DNAH7: variants seen among roughly 807,000 people sequenced by gnomAD.
The protein encoded by DNAH7 is dynein axonemal heavy chain 7.
DNAH7 carries 397 observed loss-of-function variants against 444.6 expected under a neutral mutation model. That is an observed-to-expected ratio of 0.89 (90% CI 0.82 to 0.97). DNAH7 has a LOEUF of 0.97. Among genes scored for constraint, DNAH7 ranks in the 50% least tolerant of loss-of-function variants. DNAH7 has a pLI of 0.00. For missense variants in DNAH7, 4,902 were observed against 4,800.8 expected, an observed-to-expected ratio of 1.02 and a Z score of -0.62; for synonymous variants, 1,636 against 1,624.4, an observed-to-expected ratio of 1.01 and a Z score of -0.17.
chr2:195,889,313 TTTTC>T (rs1453078601), intron 31 of DNAH7, among the ~76,000 whole-genome samples: 3 of 151,514 alleles, frequency 2.0e-5, no homozygotes, highest in Admixed American at 1.3e-4. Flanking sequence ...CTTTCTTTCT[TTTTC>T]TTTCTTTTCT....
At chr2:195,941,248 A>G (rs1000348426) in intron 19 of DNAH7, among the ~76,000 whole-genome samples, 11 of 152,298 alleles carry the variant, frequency 7.2e-5, no homozygotes, top group African/African-American at 2.6e-4. Context: ...GGAAGCCATC[A>G]TTCTCAGCAA....
intron 8 of DNAH7, among the ~76,000 whole-genome samples, chr2:196,023,914 G>C (rs1290055707): frequency 1.3e-5 from 2 of 152,166 alleles, no homozygotes; most frequent in African/African-American, 4.8e-5. Context: ...GAGGCCTTAG[G>C]AAAGGAGGAG....
chr2:195,972,216 GAAAAT>G (rs1432521854), intron 16 of DNAH7, 21 bp downstream of exon 16: 3 of 1,565,392 alleles, frequency 1.9e-6, no homozygotes, highest in Middle Eastern at 1.8e-4. Flanking sequence ...TCCAGAAAAT[GAAAAT>G]AAAATATCTA....
intron 48 of DNAH7, among the ~76,000 whole-genome samples, chr2:195,826,154 A>C (rs1429202993): frequency 6.6e-6 from 1 of 152,246 alleles, no homozygotes; most frequent in African/African-American, 2.4e-5. Flanking sequence ...TTACTTAATC[A>C]GGCTGGAGCC....
intron 11 of DNAH7, 40 bp from the exon 12 acceptor site, chr2:196,000,923 G>GT: frequency 6.7e-7 from 1 of 1,486,126 alleles, no homozygotes. Context: ...AAATATGTAT[G>GT]AATTGTGACA....
chr2:195,950,871 A>AAAAAAAAAACAAC (rs1690198941), intron 19 of DNAH7, among the ~76,000 whole-genome samples: 1 of 147,306 alleles, frequency 6.8e-6, no homozygotes, highest in African/African-American at 2.6e-5. Flanking sequence ...AAAAAAAAAA[A>AAAAAAAAAACAAC]AAAAAAAACC....
intron 12 of DNAH7, among the ~76,000 whole-genome samples, chr2:195,989,190 T>C (rs556536012): frequency 9.2e-5 from 14 of 152,324 alleles, no homozygotes; most frequent in African/African-American, 3.4e-4. Flanking sequence ...TCCTTTCCTT[T>C]AGCATATATA....
chr2:195,793,617 A>G (rs1392997465), intron 57 of DNAH7, among the ~76,000 whole-genome samples: 3 of 152,074 alleles, frequency 2.0e-5, no homozygotes, highest in African/African-American at 7.2e-5. Context: ...GCCCCCTTTT[A>G]TTTTTTAGTA....
chr2:195,806,707 A>G, intron 54 of DNAH7, 33 bp downstream of exon 54: 1 of 1,584,568 alleles, frequency 6.3e-7, no homozygotes, highest in Non-Finnish European at 8.7e-7. Context: ...AAGGCTTTGG[A>G]ATCATTGAGC....
chr2:195,844,795 T>A (rs1021846612), intron 47 of DNAH7, among the ~76,000 whole-genome samples: 4 of 152,194 alleles, frequency 2.6e-5, no homozygotes, highest in Admixed American at 6.5e-5. Context: ...GTACAAGTCA[T>A]CTGGTTCATT....
At chr2:195,951,825 C>G (rs761473820) in intron 19 of DNAH7, among the ~76,000 whole-genome samples, 1 of 151,768 alleles carries the variant, frequency 6.6e-6, no homozygotes, top group Non-Finnish European at 1.5e-5. Flanking sequence ...TATGTGTGTG[C>G]CTGCACATGA....
chr2:195,740,605 G>GTATATATA (rs1692947621), intron 64 of DNAH7, among the ~76,000 whole-genome samples, 161 bp downstream of exon 64: 1 of 54,850 alleles, frequency 1.8e-5, no homozygotes, highest in African/African-American at 9.8e-5. Context: ...GTGTGTGTGT[G>GTATATATA]TGTGTGTGTG....
In DNAH7 at chr2:195,858,455, T is replaced by A; in HGVS notation, c.8067+19A>T. The A allele has an allele frequency of 6.4e-7, 1 of 1,553,296 alleles. No individual in the cohort carries two copies. Among genetic ancestry groups the A allele is most frequent in the Non-Finnish European group, 8.7e-7 (1 of 1,151,224 alleles). ...CTATGATGACATGTGTCCTAGAAAGTGTATGGCGAAGCTCTTACCTGTGCA... is the reference window on the plus strand; with the variant it reads ...CTATGATGACATGTGTCCTAGAAAGAGTATGGCGAAGCTCTTACCTGTGCA... On this transcript the variant is annotated intron_variant, in intron 43 of 64. Transcript: ENST00000312428.
At chr2:195,990,891 T>TTATATACATATATATACTTAAA (rs1559310406) in intron 12 of DNAH7, among the ~76,000 whole-genome samples, 9 of 129,232 alleles carry the variant, frequency 7.0e-5, no homozygotes, top group African/African-American at 1.9e-4. Flanking sequence ...ACATATATAC[T>TTATATACATATATATACTTAAA]TATATACATA....
chr2:195,982,920 C>CATAACAAG (rs1309051099), intron 15 of DNAH7, among the ~76,000 whole-genome samples: 1 of 151,906 alleles, frequency 6.6e-6, no homozygotes, highest in African/African-American at 2.4e-5. Flanking sequence ...TATTTGATAG[C>CATAACAAG]ATAACAAGAT....
intron 12 of DNAH7, chr2:195,994,522 G>C: frequency 2.0e-6 from 1 of 489,888 alleles, no homozygotes; most frequent in Non-Finnish European, 4.0e-6. Flanking sequence ...TTGGAATTGG[G>C]TTTAGAGATA....
intron 12 of DNAH7, chr2:195,995,399 T>C (rs556924169): frequency 4.1e-6 from 2 of 489,554 alleles, no homozygotes; most frequent in East Asian, 5.6e-5. Flanking sequence ...ATGTATCATA[T>C]GGCGTTTTTC....
intron 61 of DNAH7, among the ~76,000 whole-genome samples, chr2:195,762,338 C>A (rs964501323): frequency 1.3e-5 from 2 of 151,722 alleles, no homozygotes; most frequent in African/African-American, 2.4e-5. Flanking sequence ...GAGGAGAAAA[C>A]CAGAAAATAA....
intron 5 of DNAH7, among the ~76,000 whole-genome samples, chr2:196,044,357 C>A (rs1046031338): frequency 6.6e-6 from 1 of 151,590 alleles, no homozygotes; most frequent in Non-Finnish European, 1.5e-5. Context: ...ATCCAAACAT[C>A]GAATGTTCTC....
Sources: gnomAD v4.1 joint callset for allele counts (sites outside exome capture counted in the v4.1 genomes callset) on GRCh38, gnomAD v4.1.1 for gene constraint, MANE v1.5 for transcripts, NCBI Gene and HGNC (gene_info 2026-07-23, HGNC 2026-07-21) for gene names.